Variants in ST18 observed in about 807,000 individuals in gnomAD.
ST18 encodes suppression of tumorigenicity 18 protein.
In ST18, 50 loss-of-function variants were observed where a neutral mutation model predicts 110.0. The observed-to-expected ratio is 0.45, with a 90% CI of 0.36 to 0.58. ST18 has a LOEUF of 0.58. Among genes scored for constraint, ST18 ranks in the 20% least tolerant of loss-of-function variants. The probability of loss-of-function intolerance (pLI) is 0.00; values close to 1 mark genes in which losing one functional copy is unlikely to be tolerated. For missense variants in ST18, 1,306 were observed against 1,280.1 expected (o/e 1.02, Z -0.31); for synonymous variants, 461 against 452.4 (o/e 1.02, Z -0.24).
At position 52,388,284 on chromosome 8, in the gene ST18, AT is replaced by A. The variant is rs77650191; in HGVS notation, c.-465+21043del. On this transcript the variant is annotated intron_variant, in intron 2 of 25. Coordinates refer to ENST00000689386, the MANE Select transcript of ST18 (RefSeq NM_001352837.2). ...CCAGCGCGCTCCGAGCACACCTTGAATTCCTACGGGCTCTCAGCTCCCGGGA... is the reference window on the plus strand; with the variant it reads ...CCAGCGCGCTCCGAGCACACCTTGAATCCTACGGGCTCTCAGCTCCCGGGA... Among the ~76,000 whole-genome samples the A allele has an allele frequency of 3.0e-3, 452 of 151,928 alleles. 16 individuals are homozygous for A. In the East Asian group the frequency reaches 0.06, roughly 20 times the overall value.
At chr8:52,361,456 A>G (rs576695946) in intron 2 of ST18, among the ~76,000 whole-genome samples, 1 of 152,222 alleles carries the variant, frequency 6.6e-6, no homozygotes, top group African/African-American at 2.4e-5. Context: ...GAGAAAGGAC[A>G]TTCAAAACAA....
intron 8 of ST18, among the ~76,000 whole-genome samples, chr8:52,204,840 G>T (rs1336234127): frequency 6.6e-6 from 1 of 152,152 alleles, no homozygotes; most frequent in East Asian, 1.9e-4. Context: ...TAGACTCTCA[G>T]CTCCTGTAAT....
chr8:52,178,818 A>G (rs139585429), intron 9 of ST18, among the ~76,000 whole-genome samples: 12 of 152,092 alleles, frequency 7.9e-5, no homozygotes, highest in African/African-American at 2.7e-4. Flanking sequence ...CAAAGAATTT[A>G]CTTAAATACC....
intron 2 of ST18, among the ~76,000 whole-genome samples, chr8:52,273,431 C>A (rs570958924): frequency 6.6e-6 from 1 of 152,232 alleles, no homozygotes; most frequent in East Asian, 1.9e-4. Context: ...CTGAGAGCCC[C>A]CAGACCCCCA....
At chr8:52,200,492 G>T (rs747389134) in intron 8 of ST18, among the ~76,000 whole-genome samples, 7 of 152,158 alleles carry the variant, frequency 4.6e-5, no homozygotes, top group Non-Finnish European at 8.8e-5. Flanking sequence ...TTCTAGTTGG[G>T]TAGGGGGCAA....
intron 2 of ST18, among the ~76,000 whole-genome samples, chr8:52,240,561 T>C (rs2093301944): frequency 6.6e-6 from 1 of 152,234 alleles, no homozygotes; most frequent in Admixed American, 6.5e-5. Context: ...CTATTTCATC[T>C]ACTTTTTCTT....
At chr8:52,345,073 T>C (rs1817096407) in intron 2 of ST18, among the ~76,000 whole-genome samples, 2 of 152,322 alleles carry the variant, frequency 1.3e-5, no homozygotes, top group South Asian at 4.1e-4. Context: ...AATTATAACA[T>C]ATTCTTTAAT....
rs147364716 is a variant in ST18, at chr8:52,315,092, C to T, written c.-464-85015G>A. 5.1e-4 allele frequency among the ~76,000 whole-genome samples: 78 copies of T among 152,290 alleles called. 1 individual carries two copies. Among genetic ancestry groups the T allele is most frequent in the Non-Finnish European group, 8.8e-4 (60 of 68,010 alleles). ...TTTCCTCTTTCATATATGGCCAATGCTCTGATTCTACATTGCTTATCCAGA... is the reference window on the plus strand; with the variant it reads ...TTTCCTCTTTCATATATGGCCAATGTTCTGATTCTACATTGCTTATCCAGA... On this transcript the variant is annotated intron_variant, in intron 2 of 25. Transcript: ENST00000689386.
At chr8:52,147,399 T>C (rs1343825132) in intron 16 of ST18, among the ~76,000 whole-genome samples, 3 of 152,150 alleles carry the variant, frequency 2.0e-5, no homozygotes, top group African/African-American at 7.2e-5. Context: ...AATGGGTTTC[T>C]GAGAATCTGA....
chr8:52,304,194 TTAGA>T lies in ST18; in HGVS notation c.-464-74121_-464-74118del, dbSNP rs779242807. On this transcript the variant is annotated intron_variant, in intron 2 of 25. Transcript: ENST00000689386. Reference sequence around the variant, plus strand: ...TTAAATGAAGAAAGAGACTATATTCTTAGATAGGAACAATCTGTATGTTTAAAAT... The same window carrying T: ...TTAAATGAAGAAAGAGACTATATTCTTAGGAACAATCTGTATGTTTAAAAT... Among the ~76,000 whole-genome samples, 173 of 152,332 alleles carry T rather than the reference TTAGA, an allele frequency of 1.1e-3. 2 individuals are homozygous for T. Among genetic ancestry groups the T allele is most frequent in the Non-Finnish European group, 3.7e-4 (25 of 68,026 alleles).
chr8:52,224,253 GA>G (rs1170638867), intron 3 of ST18, among the ~76,000 whole-genome samples: 2 of 152,146 alleles, frequency 1.3e-5, no homozygotes, highest in East Asian at 3.9e-4. Flanking sequence ...AATTTCTAAT[GA>G]AAACTTAAAC....
At chr8:52,270,933 C>T (rs1481961343) in intron 2 of ST18, among the ~76,000 whole-genome samples, 2 of 150,612 alleles carry the variant, frequency 1.3e-5, no homozygotes, top group African/African-American at 4.9e-5. Context: ...GAGATGGAGT[C>T]TCGCTCTGTC....
chr8:52,235,571 A>T (rs2092511387), intron 2 of ST18, among the ~76,000 whole-genome samples: 1 of 152,238 alleles, frequency 6.6e-6, no homozygotes, highest in African/African-American at 2.4e-5. Context: ...CCAAATATTT[A>T]GAGATAAAAC....
chr8:52,119,990 C>T (rs1198567390), intron 23 of ST18, among the ~76,000 whole-genome samples: 1 of 152,148 alleles, frequency 6.6e-6, no homozygotes, highest in Non-Finnish European at 1.5e-5. Flanking sequence ...TATGAGTCAT[C>T]AGTATGACAT....
intron 2 of ST18, among the ~76,000 whole-genome samples, chr8:52,305,680 G>A (rs1003222701): frequency 4.6e-5 from 7 of 152,152 alleles, no homozygotes; most frequent in Non-Finnish European, 1.0e-4. Context: ...CCTGACCTCT[G>A]TCTTTCACTC....
At chr8:52,376,784 T>C (rs1207474165) in intron 2 of ST18, among the ~76,000 whole-genome samples, 2 of 152,190 alleles carry the variant, frequency 1.3e-5, no homozygotes, top group Non-Finnish European at 2.9e-5. Context: ...GGAAGCCCCA[T>C]CACTGATCTG....
chr8:52,117,152 GC>G (rs2042862173), intron 24 of ST18, among the ~76,000 whole-genome samples: 2 of 152,092 alleles, frequency 1.3e-5, no homozygotes, highest in Non-Finnish European at 2.9e-5. Flanking sequence ...CCTGTGACCT[GC>G]CCCACCCAGC....
At chr8:52,318,359 C>T (rs2096065760) in intron 2 of ST18, among the ~76,000 whole-genome samples, 1 of 152,120 alleles carries the variant, frequency 6.6e-6, no homozygotes, top group East Asian at 1.9e-4. Context: ...TACCATCTTA[C>T]ACCAGTGAGA....
At chr8:52,351,217 A>G (rs1171283514) in intron 2 of ST18, among the ~76,000 whole-genome samples, 2 of 152,186 alleles carry the variant, frequency 1.3e-5, no homozygotes, top group Non-Finnish European at 2.9e-5. Flanking sequence ...GCTCACTACC[A>G]CTTTCTAGTT....
Sources: gnomAD v4.1 joint callset for allele counts (sites outside exome capture counted in the v4.1 genomes callset) on GRCh38, gnomAD v4.1.1 for gene constraint, MANE v1.5 for transcripts, NCBI Gene and HGNC (gene_info 2026-07-23, HGNC 2026-07-21) for gene names.